Variants in DNAH7 observed in about 807,000 individuals in gnomAD.
The protein encoded by DNAH7 is axonemal beta dynein heavy chain 7.
DNAH7 carries 397 observed loss-of-function variants against 444.6 expected under a neutral mutation model. The ratio of observed to expected loss-of-function variants is 0.89; its 90% confidence interval spans 0.82 to 0.97. The LOEUF (loss-of-function observed/expected upper bound fraction) is 0.97. Ranked by LOEUF, DNAH7 falls within the 50% of genes least tolerant of loss-of-function variation. DNAH7 has a pLI of 0.00. For synonymous variants in DNAH7, 1,636 were observed against 1,624.4 expected (o/e 1.01, Z -0.17); for missense variants, 4,902 against 4,800.8 (o/e 1.02, Z -0.62).
At chr2:195,934,293 A>G (rs1688900352) in intron 21 of DNAH7, among the ~76,000 whole-genome samples, 4 of 152,216 alleles carry the variant, frequency 2.6e-5, no homozygotes, top group African/African-American at 9.6e-5. Context: ...TGCATAGAAC[A>G]AAGTGTATCT....
chr2:196,012,948 T>C, intron 9 of DNAH7, 42 bp from the exon 10 acceptor site: 4 of 1,365,578 alleles, frequency 2.9e-6, no homozygotes, highest in Non-Finnish European at 3.9e-6. Context: ...CAATGACTTT[T>C]TTGGTATTTA....
intron 55 of DNAH7, among the ~76,000 whole-genome samples, 162 bp downstream of exon 55, chr2:195,799,134 G>A (rs1696320294): frequency 6.6e-6 from 1 of 152,118 alleles, no homozygotes; most frequent in African/African-American, 2.4e-5. Flanking sequence ...TAGTGTCAGT[G>A]CTGCCATTTT....
At chr2:196,054,388 T>A (rs757977450) in intron 2 of DNAH7, among the ~76,000 whole-genome samples, 25 of 152,018 alleles carry the variant, frequency 1.6e-4, no homozygotes, top group Non-Finnish European at 3.5e-4. Flanking sequence ...AACCTGGGTA[T>A]GGTGGTGCCT....
At chr2:196,026,603 G>C (rs1695705217) in intron 7 of DNAH7, among the ~76,000 whole-genome samples, 157 bp downstream of exon 7, 1 of 152,050 alleles carries the variant, frequency 6.6e-6, no homozygotes. Flanking sequence ...CTACATTAAT[G>C]GAATTTGCCT....
intron 5 of DNAH7, among the ~76,000 whole-genome samples, chr2:196,029,389 TGAGG>T (rs1695894079): frequency 6.6e-6 from 1 of 151,778 alleles, no homozygotes; most frequent in African/African-American, 2.4e-5. Flanking sequence ...CAAGGGTGGG[TGAGG>T]AGGTAGAAGG....
intron 47 of DNAH7, among the ~76,000 whole-genome samples, chr2:195,834,637 T>C (rs556473561): frequency 1.6e-4 from 25 of 152,284 alleles, no homozygotes; most frequent in African/African-American, 5.8e-4. Context: ...CTTTTGAAAA[T>C]ATTTGCTGCT....
At chr2:195,777,698 A>T in intron 59 of DNAH7, 102 bp downstream of exon 59, 3 of 1,274,078 alleles carry the variant, frequency 2.4e-6, no homozygotes, top group Non-Finnish European at 3.3e-6. Context: ...AAGGGTAACA[A>T]AAAAACAAGG....
chr2:195,981,174 G>C (rs376660132), intron 15 of DNAH7, among the ~76,000 whole-genome samples: 1 of 152,068 alleles, frequency 6.6e-6, no homozygotes, highest in African/African-American at 2.4e-5. Context: ...GAAACCAGTA[G>C]CATTTACATT....
At chr2:195,965,630 A>G (rs962079678) in intron 17 of DNAH7, among the ~76,000 whole-genome samples, 3 of 152,036 alleles carry the variant, frequency 2.0e-5, no homozygotes, top group Non-Finnish European at 2.9e-5. Flanking sequence ...TTTATTATGC[A>G]TTCAATCTTC....
chr2:195,894,420 TA>T (rs1371991516), intron 30 of DNAH7: 1 of 152,200 alleles, frequency 6.6e-6, no homozygotes, highest in Non-Finnish European at 1.5e-5. Context: ...TTGAAATTTA[TA>T]AAGTGAAAAC....
intron 47 of DNAH7, 116 bp downstream of exon 47, chr2:195,844,886 T>A: frequency 1.2e-6 from 1 of 809,132 alleles, no homozygotes. Context: ...ATTTCACTAA[T>A]TAGTTAAGTA....
Position 195,886,282 on chromosome 2 carries a change from C to CA in DNAH7, c.5407-11dup. On this transcript the variant is annotated splice_polypyrimidine_tract_variant and intron_variant, in intron 33 of 64. Transcript: ENST00000312428. ...AAGTAGGAGATAATTCCTGAAAAGT[C>CA]AGTAAGAAAAATGACTAAACAATTT... 2 of 1,605,680 alleles carry CA rather than the reference C, an allele frequency of 1.2e-6. No homozygotes were observed. The highest frequency in any genetic ancestry group is 1.7e-6 in the Non-Finnish European group (2 of 1,176,830).
intron 19 of DNAH7, among the ~76,000 whole-genome samples, chr2:195,953,976 T>C (rs930425266): frequency 1.3e-5 from 2 of 152,132 alleles, no homozygotes; most frequent in Admixed American, 6.6e-5. Context: ...TACTAACATA[T>C]GGAGAAAGAG....
At chr2:195,749,979 T>C (rs1693696274) in intron 63 of DNAH7, among the ~76,000 whole-genome samples, 2 of 151,604 alleles carry the variant, frequency 1.3e-5, no homozygotes, top group South Asian at 4.2e-4. Context: ...ACTTAAAGTA[T>C]AATAATAATA....
intron 15 of DNAH7, among the ~76,000 whole-genome samples, chr2:195,973,143 A>G (rs1315755955): frequency 1.3e-5 from 2 of 152,210 alleles, no homozygotes; most frequent in African/African-American, 2.4e-5. Flanking sequence ...CTGAGGGGCC[A>G]GCAGCACTGC....
chr2:195,921,352 T>TACACACACACACACAC (rs140152411), intron 24 of DNAH7, among the ~76,000 whole-genome samples: 10 of 140,380 alleles, frequency 7.1e-5, no homozygotes, highest in African/African-American at 2.1e-4. Context: ...AAATGTGGTG[T>TACACACACACACACAC]ACACACACAC....
chr2:195,776,997 C>T (rs540200208), intron 59 of DNAH7, among the ~76,000 whole-genome samples: 13 of 152,276 alleles, frequency 8.5e-5, no homozygotes, highest in African/African-American at 3.1e-4. Context: ...ACTTGCTGTA[C>T]CCAACAGTGA....
intron 24 of DNAH7, among the ~76,000 whole-genome samples, chr2:195,911,266 A>G (rs1687342722): frequency 6.6e-6 from 1 of 152,266 alleles, no homozygotes; most frequent in South Asian, 2.1e-4. Flanking sequence ...GAAAAACAGA[A>G]GCCAATTTTA....
chr2:195,849,481 G>A (rs1208437641), intron 46 of DNAH7, among the ~76,000 whole-genome samples: 1 of 152,148 alleles, frequency 6.6e-6, no homozygotes, highest in Non-Finnish European at 1.5e-5. Flanking sequence ...TGGCTATTTT[G>A]TTTTATTTGG....
Sources: allele counts gnomAD v4.1 joint callset (sites outside exome capture counted in the v4.1 genomes callset), GRCh38; gene constraint gnomAD v4.1.1; transcripts MANE v1.5; gene names NCBI Gene and HGNC (gene_info 2026-07-23, HGNC 2026-07-21).